Variants in MYO18A observed in about 807,000 individuals in gnomAD.
The protein encoded by MYO18A is unconventional myosin-XVIIIa.
MYO18A carries 78 observed loss-of-function variants against 235.8 expected under a neutral mutation model. That is an observed-to-expected ratio of 0.33 (90% confidence interval 0.28 to 0.40). The LOEUF (loss-of-function observed/expected upper bound fraction) is 0.40, where lower values mean the gene tolerates loss of function less well. MYO18A is among the 10% of genes least tolerant of loss of function. The pLI is 1.00. For missense variants in MYO18A, 2,215 were observed against 2,699.3 expected, an observed-to-expected ratio of 0.82 and a Z score of 3.98; for synonymous variants, 977 against 1,077.8, an observed-to-expected ratio of 0.91 and a Z score of 1.83.
Position 29,097,777 on chromosome 17 carries a change from C to T in MYO18A, c.4102+11G>A. 2 of 1,606,596 alleles carry T rather than the reference C, an allele frequency of 1.2e-6. No homozygotes were observed. Among genetic ancestry groups the T allele is most frequent in the Non-Finnish European group, 1.7e-6 (2 of 1,176,130 alleles). On this transcript the variant is annotated intron_variant, in intron 26 of 41. Coordinates refer to ENST00000527372, the MANE Select transcript of MYO18A (RefSeq NM_078471.4). Reference sequence around the variant, plus strand: ...CGGGCCACTGCCGAGCTCCTTGGGCCTCAGGCCCACCTGCATCATCATCAT... The same window carrying T: ...CGGGCCACTGCCGAGCTCCTTGGGCTTCAGGCCCACCTGCATCATCATCAT...
At chr17:29,139,927 C>T (rs1294059020) in intron 2 of MYO18A, among the ~76,000 whole-genome samples, 3 of 152,106 alleles carry the variant, frequency 2.0e-5, no homozygotes, top group African/African-American at 7.2e-5. Context: ...ACAAGACTAC[C>T]GAGGACCTTG....
At position 29,097,357 on chromosome 17, in the gene MYO18A, G is replaced by C; in HGVS notation, c.4103-7C>G. 7 of 1,607,022 alleles carry C rather than the reference G, an allele frequency of 4.4e-6. No individual in the cohort carries two copies. The highest frequency in any genetic ancestry group is 5.9e-6 in the Non-Finnish European group (7 of 1,179,758). On this transcript the variant is annotated splice_polypyrimidine_tract_variant and splice_region_variant and intron_variant, in intron 26 of 41. Coordinates refer to ENST00000527372, the MANE Select transcript of MYO18A (RefSeq NM_078471.4). The stretch of plus-strand genomic sequence containing the variant: ...TTCAGCCGCCACTCGCCACCTGTGG[G>C]GTTGAGGCAGACAAGGGAGGATGGA...
intron 2 of MYO18A, among the ~76,000 whole-genome samples, chr17:29,156,464 G>A (rs1448626475): frequency 6.6e-6 from 1 of 152,174 alleles, no homozygotes; most frequent in Non-Finnish European, 1.5e-5. Context: ...GAGATGCCAG[G>A]CCCCAGGCAT....
At chr17:29,148,031 G>A (rs1478311046) in intron 2 of MYO18A, among the ~76,000 whole-genome samples, 1 of 151,988 alleles carries the variant, frequency 6.6e-6, no homozygotes, top group Non-Finnish European at 1.5e-5. Flanking sequence ...GTGACTATTT[G>A]GGGAAGGATG....
chr17:29,107,097 C>T lies in MYO18A; in HGVS notation c.3424G>A (p.Val1142Met), dbSNP rs372597242. ...LTKKHGRNYI[V>M]VDERRAVEEL... ...GGACCTACCCGCCTTTCATCCACCA[C>T]GATGTAGTTACGCCCGTGTTTCTTG... Residue 1142 changes from valine (V) to methionine (M), a missense_variant, in exon 20 of 42, where the codon GTG (valine) becomes ATG (methionine). Transcript: ENST00000527372. 16 of 1,613,988 alleles carry T rather than the reference C, an allele frequency of 9.9e-6. No homozygotes were observed. Among genetic ancestry groups the T allele is most frequent in the East Asian group, 2.2e-5 (1 of 44,886 alleles).
chr17:29,165,695 C>T (rs1158148640), intron 2 of MYO18A, among the ~76,000 whole-genome samples: 1 of 152,168 alleles, frequency 6.6e-6, no homozygotes, highest in Non-Finnish European at 1.5e-5. Context: ...ATGTCCTTGT[C>T]TTTCTTCATT....
intron 41 of MYO18A, chr17:29,079,781 C>CT: frequency 1.0e-6 from 1 of 986,094 alleles, no homozygotes; most frequent in Non-Finnish European, 1.2e-6. Context: ...CTGTCCACCT[C>CT]TTTCTTGCGC....
intron 2 of MYO18A, among the ~76,000 whole-genome samples, chr17:29,149,091 G>A (rs372290575): frequency 4.6e-5 from 7 of 152,152 alleles, no homozygotes; most frequent in East Asian, 1.9e-4. Flanking sequence ...TTTCACCTCC[G>A]CCAGGCCGGC....
intron 40 of MYO18A, among the ~76,000 whole-genome samples, chr17:29,083,529 C>CGT (rs1382101575): frequency 3.8e-5 from 3 of 78,010 alleles, no homozygotes; most frequent in South Asian, 4.1e-4. Context: ...TGTGCGCGCG[C>CGT]GCGCACACAC....
intron 40 of MYO18A, among the ~76,000 whole-genome samples, chr17:29,085,101 T>C (rs1317750065): frequency 6.6e-6 from 1 of 152,176 alleles, no homozygotes; most frequent in Non-Finnish European, 1.5e-5. Flanking sequence ...AACAAGAAAC[T>C]GGGAGATGCC....
Position 29,133,783 on chromosome 17 carries a change from T to A in MYO18A, c.1000-11530A>T, listed in dbSNP as rs533700956. ...GCACACAGGAAAAACATAAAGATTT[T>A]AAAATCCAACTTTCCTTTTGCTCCC... On this transcript the variant is annotated intron_variant, in intron 2 of 41. Transcript: ENST00000527372. The A allele has an allele frequency of 1.0e-5, 13 of 1,289,036 alleles. No individual in the cohort carries two copies. In the East Asian group the frequency reaches 5.0e-4, roughly 50 times the overall value. The allele number at this position is 1,289,036 out of a possible 1,614,324, so 79.8% of individuals were successfully genotyped here.
chr17:29,166,493 C>G lies in MYO18A; in HGVS notation c.448G>C (p.Ala150Pro). Residue 150 changes from alanine (A) to proline (P), a missense_variant, in exon 2 of 42, where the codon GCC becomes CCC. By Grantham distance (27) the Ala-to-Pro change is conservative (BLOSUM62 -1). Transcript: ENST00000527372. ...SFSQRSRDESASETSTPSEHS... is the reference protein window; with the variant it reads ...SFSQRSRDESPSETSTPSEHS... Reference sequence around the variant, plus strand: ...TCTGAGGGCGTCGAGGTTTCTGAGGCGCTCTCATCCCGGCTACGCTGGGAG... The same window carrying G: ...TCTGAGGGCGTCGAGGTTTCTGAGGGGCTCTCATCCCGGCTACGCTGGGAG... The G allele has an allele frequency of 6.2e-7, 1 of 1,613,600 alleles. No individual in the cohort carries two copies. Among genetic ancestry groups the G allele is most frequent in the Non-Finnish European group, 8.5e-7 (1 of 1,179,834 alleles).
Position 29,166,636 on chromosome 17 carries a change from G to A in MYO18A, c.305C>T (p.Ser102Phe). The A allele has an allele frequency of 6.2e-7, 1 of 1,613,898 alleles. No homozygotes were observed. Among genetic ancestry groups the A allele is most frequent in the Non-Finnish European group, 8.5e-7 (1 of 1,179,866 alleles). Residue 102 changes from serine (S) to phenylalanine (F), a missense_variant, in exon 2 of 42, where the codon TCC (serine) becomes TTC (phenylalanine). By Grantham distance (155) the Ser-to-Phe change is radical. Coordinates refer to ENST00000527372, the MANE Select transcript of MYO18A (RefSeq NM_078471.4). The stretch of plus-strand genomic sequence containing the variant: ...CTCCTCACCCTTGAGGTCATCGCTG[G>A]AGCTGGCTGTACTTAGGTGGCCCGA... ...LDSGHLSTASSSDDLKGEEGS... is the reference protein window; with the variant it reads ...LDSGHLSTASFSDDLKGEEGS...
chr17:29,092,757 C>T, intron 33 of MYO18A, 98 bp downstream of exon 33: 1 of 1,502,788 alleles, frequency 6.7e-7, no homozygotes, highest in East Asian at 2.3e-5. Context: ...CTTTCCTTCC[C>T]AAGGACTCAA....
rs1212655377 is a variant in MYO18A at position 29,112,381 on chromosome 17, G to T, written c.2599-518C>A. On this transcript the variant is annotated intron_variant, in intron 15 of 41. Transcript: ENST00000527372. ...TGGCTGCCAGTGGGATCACTGCAGG[G>T]TCACTCAAGGGCCAAAAGCATAAGA... 2.6e-5 allele frequency among the ~76,000 whole-genome samples: 4 copies of T among 152,234 alleles called. No individual in the cohort carries two copies. In the East Asian group the frequency reaches 7.7e-4, roughly 29 times the overall value.
intron 1 of MYO18A, among the ~76,000 whole-genome samples, chr17:29,169,710 T>C (rs2068359740): frequency 6.6e-6 from 1 of 152,156 alleles, no homozygotes; most frequent in Non-Finnish European, 1.5e-5. Context: ...GAAATCCACC[T>C]TGGGGACTTG....
chr17:29,096,090 C>A (rs185854062), intron 28 of MYO18A, among the ~76,000 whole-genome samples: 27 of 152,222 alleles, frequency 1.8e-4, no homozygotes, highest in Non-Finnish European at 5.9e-5. Context: ...TCTGTTCTGC[C>A]ATCCTCACTC....
intron 1 of MYO18A, among the ~76,000 whole-genome samples, chr17:29,179,852 G>A (rs925128142): frequency 6.6e-6 from 1 of 152,140 alleles, no homozygotes; most frequent in African/African-American, 2.4e-5. Flanking sequence ...AAAAGGGTCG[G>A]TAGAGGTGCT....
intron 1 of MYO18A, 37 bp from the exon 2 acceptor site, chr17:29,167,058 A>G (rs1327237272): frequency 9.3e-6 from 13 of 1,392,324 alleles, no homozygotes; most frequent in Non-Finnish European, 1.2e-5. Context: ...AGGTTATTCG[A>G]ACAGAGCCTC....
Sources: allele counts gnomAD v4.1 joint callset (sites outside exome capture counted in the v4.1 genomes callset), GRCh38; gene constraint gnomAD v4.1.1; transcripts MANE v1.5; gene names NCBI Gene and HGNC (gene_info 2026-07-23, HGNC 2026-07-21).